Variants in ABAT observed in about 807,000 individuals in gnomAD.
The protein encoded by ABAT is 4-aminobutyrate aminotransferase, mitochondrial.
In ABAT, 45 loss-of-function variants were observed where a neutral mutation model predicts 64.6. The observed-to-expected ratio is 0.70, with a 90% CI of 0.55 to 0.89. The LOEUF (loss-of-function observed/expected upper bound fraction) is 0.89, where lower values mean the gene tolerates loss of function less well. ABAT is among the 40% of genes least tolerant of loss of function. The probability of loss-of-function intolerance (pLI) is 0.00; values close to 1 mark genes in which losing one functional copy is unlikely to be tolerated. For synonymous variants in ABAT, 297 were observed against 250.5 expected (o/e 1.19, Z -1.75); for missense variants, 633 against 658.4 (o/e 0.96, Z 0.42).
intron 14 of ABAT, among the ~76,000 whole-genome samples, chr16:8,777,183 A>G (rs941010227): frequency 3.3e-5 from 5 of 152,160 alleles, no homozygotes; most frequent in Non-Finnish European, 7.4e-5. Context: ...TTTCACGAGC[A>G]TGGGCCACCG....
chr16:8,706,776 G>A (rs756899367), intron 1 of ABAT, among the ~76,000 whole-genome samples: 10 of 152,184 alleles, frequency 6.6e-5, no homozygotes, highest in Admixed American at 2.6e-4. Flanking sequence ...AAAGAATTAC[G>A]CAAGAAGCTA....
At chr16:8,754,670 ATTTC>A (rs978873490) in intron 5 of ABAT, among the ~76,000 whole-genome samples, 38 of 14,624 alleles carry the variant, frequency 2.6e-3, no homozygotes, top group African/African-American at 4.0e-3. Flanking sequence ...TGATTTATTT[ATTTC>A]TTTCTTTCTT....
chr16:8,770,212 A>G (rs528001592), intron 11 of ABAT, among the ~76,000 whole-genome samples: 83 of 152,160 alleles, frequency 5.5e-4, no homozygotes, highest in African/African-American at 2.0e-3. Flanking sequence ...ATCTCAGCTC[A>G]CTGCAAGCTC....
At chr16:8,723,092 G>C (rs1019204720) in intron 1 of ABAT, among the ~76,000 whole-genome samples, 1 of 152,088 alleles carries the variant, frequency 6.6e-6, no homozygotes, top group African/African-American at 2.4e-5. Context: ...AATTAGCCAG[G>C]TGTGGTGGCG....
At chr16:8,709,810 T>A (rs1268621877) in intron 1 of ABAT, among the ~76,000 whole-genome samples, 2 of 149,204 alleles carry the variant, frequency 1.3e-5, no homozygotes, top group African/African-American at 4.9e-5. Flanking sequence ...TGTATGCTAT[T>A]AGAGCAGTCA....
At chr16:8,728,104 A>C (rs2058611613) in intron 1 of ABAT, among the ~76,000 whole-genome samples, 1 of 152,174 alleles carries the variant, frequency 6.6e-6, no homozygotes, top group African/African-American at 2.4e-5. Flanking sequence ...TTATATCTAA[A>C]CGATGCAGTG....
At chr16:8,686,676 G>C (rs957558033) in intron 1 of ABAT, among the ~76,000 whole-genome samples, 1 of 152,164 alleles carries the variant, frequency 6.6e-6, no homozygotes, top group African/African-American at 2.4e-5. Flanking sequence ...GTGAGAAACC[G>C]AGGCTTGAAG....
Position 8,750,505 on chromosome 16 carries a change from G to C in ABAT, c.282G>C (p.Leu94=). ...YLVDVDGNRM[L]DLYSQISSVP... ...TTGATGTGGACGGCAACCGAATGCT[G>C]GATCTTTATTCCCAGATCTCCTCTG... The change falls in exon 5 of 16, where the codon CTG becomes CTC. Residue 94 remains leucine (L), a synonymous_variant. Transcript: ENST00000268251. 1 of 1,614,114 alleles carries C rather than the reference G, an allele frequency of 6.2e-7. No individual in the cohort carries two copies. The highest frequency in any genetic ancestry group is 8.5e-7 in the Non-Finnish European group (1 of 1,180,006).
Position 8,776,932 on chromosome 16 carries a change from C to T in ABAT, c.1269+442C>T, listed in dbSNP as rs1182135134. ...ATTTATTTTTTGAGACCAAGTCTTG[C>T]TTTGTACCCAGGCTGGAGTGCAGTG... is the stretch of plus-strand genomic sequence containing the variant. On this transcript the variant is annotated intron_variant, in intron 14 of 15. Coordinates refer to ENST00000268251, the MANE Select transcript of ABAT (RefSeq NM_020686.6). This position sits in a 1 kb window ranked among gnomAD's most constrained non-coding sequence, Gnocchi z 4.4. 6.6e-6 allele frequency among the ~76,000 whole-genome samples: 1 copy of T among 151,906 alleles called. No homozygotes were observed. The highest frequency in any genetic ancestry group is 2.4e-5 in the African/African-American group (1 of 41,356).
chr16:8,684,272 A>AG (rs1191343161), intron 1 of ABAT, among the ~76,000 whole-genome samples: 1 of 152,118 alleles, frequency 6.6e-6, no homozygotes, highest in African/African-American at 2.4e-5. Flanking sequence ...AGAAAATCGC[A>AG]GGGGAAAAAG....
intron 1 of ABAT, among the ~76,000 whole-genome samples, chr16:8,706,975 C>A (rs1731069): frequency 0.69 from 104,357 of 151,862 alleles, 36,744 homozygotes; most frequent in East Asian, 0.85. Flanking sequence ...TGTGCCCTCC[C>A]GGAATCAGAG....
rs893714248 is a variant in ABAT, at chr16:8,776,676, C to T, written c.1269+186C>T. Among the ~76,000 whole-genome samples, 2 of 152,184 alleles carry T rather than the reference C, an allele frequency of 1.3e-5. No homozygotes were observed. The highest frequency in any genetic ancestry group is 4.8e-5 in the African/African-American group (2 of 41,450). ...CCTCTGCAGGGGATGCCTCCCTATC[C>T]CTCCATCCCATTCCAACCCCTATTC... On this transcript the variant is annotated intron_variant, in intron 14 of 15. Transcript: ENST00000268251. This position sits in a 1 kb window ranked among gnomAD's most constrained non-coding sequence, Gnocchi z 4.4.
chr16:8,756,661 A>G (rs2059657544), intron 5 of ABAT, among the ~76,000 whole-genome samples: 1 of 152,332 alleles, frequency 6.6e-6, no homozygotes, highest in East Asian at 1.9e-4. Context: ...TTCACTTAGC[A>G]GATCTCAGAG....
chr16:8,732,114 A>T (rs535637929), intron 1 of ABAT, among the ~76,000 whole-genome samples: 8 of 151,738 alleles, frequency 5.3e-5, no homozygotes, highest in Non-Finnish European at 1.2e-4. Flanking sequence ...CGGCCTCCCA[A>T]AGTGCTGGGA....
At chr16:8,747,666 G>C (rs2059372179) in intron 3 of ABAT, among the ~76,000 whole-genome samples, 1 of 152,172 alleles carries the variant, frequency 6.6e-6, no homozygotes, top group East Asian at 1.9e-4. Flanking sequence ...TTCTGTATAG[G>C]ATAAAGTACA....
chr16:8,717,369 G>A (rs146725335), intron 1 of ABAT, among the ~76,000 whole-genome samples: 3 of 152,082 alleles, frequency 2.0e-5, no homozygotes, highest in Admixed American at 2.0e-4. Flanking sequence ...TAAGATACAT[G>A]AAAAAAATTG....
At chr16:8,749,890 T>C (rs1167618335) in intron 4 of ABAT, among the ~76,000 whole-genome samples, 2 of 151,810 alleles carry the variant, frequency 1.3e-5, no homozygotes, top group East Asian at 3.9e-4. Flanking sequence ...ATTTTTGTAT[T>C]TTTTAGTAGA....
intron 1 of ABAT, among the ~76,000 whole-genome samples, chr16:8,682,889 A>G (rs2141921762): frequency 6.6e-6 from 1 of 152,264 alleles, no homozygotes; most frequent in Admixed American, 6.5e-5. Context: ...CTGCGTTTTA[A>G]CAATATCCCC....
chr16:8,777,937 G>A (rs903930045), intron 14 of ABAT, among the ~76,000 whole-genome samples: 1 of 151,584 alleles, frequency 6.6e-6, no homozygotes, highest in African/African-American at 2.4e-5. Flanking sequence ...GCAACATGGT[G>A]AGAACCCATA....
Sources: allele counts gnomAD v4.1 joint callset (sites outside exome capture counted in the v4.1 genomes callset), GRCh38; gene constraint gnomAD v4.1.1; non-coding constraint Gnocchi (gnomAD v3.1); transcripts MANE v1.5; gene names NCBI Gene and HGNC (gene_info 2026-07-23, HGNC 2026-07-21).